The following PHIP variants were observed in gnomAD, a reference collection of about 807,000 sequenced individuals.
PHIP encodes the protein PHIP subunit of CUL4-Ring ligase complex.
A neutral mutation model predicts 236.8 loss-of-function variants in PHIP; 54 were observed. That is an observed-to-expected ratio of 0.23 (90% confidence interval 0.18 to 0.29). The LOEUF (loss-of-function observed/expected upper bound fraction) is 0.29, where lower values mean the gene tolerates loss of function less well. PHIP is among the 10% of genes least tolerant of loss of function. The probability of loss-of-function intolerance (pLI) is 1.00; values close to 1 mark genes in which losing one functional copy is unlikely to be tolerated. For synonymous variants in PHIP, 756 were observed against 718.9 expected, an observed-to-expected ratio of 1.05 and a Z score of -0.83; for missense variants, 1,370 against 2,190.8, an observed-to-expected ratio of 0.63 and a Z score of 7.48.
At chr6:79,030,585 A>C (rs1771618865) in intron 7 of PHIP, among the ~76,000 whole-genome samples, 1 of 152,178 alleles carries the variant, frequency 6.6e-6, no homozygotes, top group Non-Finnish European at 1.5e-5. Flanking sequence ...GACAATTTGT[A>C]AGCAGACAAG....
At position 78,940,828 on chromosome 6, in the gene PHIP, G is replaced by A. The variant is rs2485701; in HGVS notation, c.5331C>T (p.Phe1777=). ...CCTCTTCAGAGTCATCCTCATTATA[G>A]AAAGCTGTCCTTCGACCTTGATTTC... ...RTRNQGRRTA[F]YNEDDSEEEQ... is the part of the protein sequence containing the mutation. The change falls in exon 40 of 40, where the codon TTC becomes TTT. Residue 1777 remains phenylalanine, a synonymous_variant. Coordinates refer to ENST00000275034, the MANE Select transcript of PHIP (RefSeq NM_017934.7). 1.2e-6 allele frequency: 2 copies of A among 1,613,790 alleles called. No homozygotes were observed. Among genetic ancestry groups the A allele is most frequent in the East Asian group, 4.5e-5 (2 of 44,858 alleles).
At chr6:79,002,666 C>A in intron 16 of PHIP, among the ~76,000 whole-genome samples, 1 of 152,020 alleles carries the variant, frequency 6.6e-6, no homozygotes, top group Non-Finnish European at 1.5e-5. Context: ...GGAACATATT[C>A]CCTGTGGATA....
Position 79,055,405 on chromosome 6 carries a change from A to T in PHIP, c.439+5073T>A, listed in dbSNP as rs1773018818. Among the ~76,000 whole-genome samples, 4 of 152,144 alleles carry T rather than the reference A, an allele frequency of 2.6e-5. No individual in the cohort carries two copies. In the South Asian group the frequency reaches 8.3e-4, roughly 32 times the overall value. ...ACATTTATTACTGAAGTATAAGCAA[A>T]TATAGAATAAACTATATCTGAAAAC... On this transcript the variant is annotated intron_variant, in intron 6 of 39. Coordinates refer to ENST00000275034, the MANE Select transcript of PHIP (RefSeq NM_017934.7).
chr6:79,025,005 C>T (rs940933607), intron 9 of PHIP, among the ~76,000 whole-genome samples: 2 of 151,956 alleles, frequency 1.3e-5, no homozygotes, highest in Non-Finnish European at 2.9e-5. Flanking sequence ...TTAATATGGG[C>T]GACCGCACAA....
Position 78,998,345 on chromosome 6 carries a change from T to C in PHIP, c.1926A>G (p.Pro642=). 1 of 1,613,602 alleles carries C rather than the reference T, an allele frequency of 6.2e-7. No individual in the cohort carries two copies. The highest frequency in any genetic ancestry group is 1.1e-5 in the South Asian group (1 of 91,076). The part of the protein sequence containing the change: ...LSQQANQEIS[P]LDSMIQRLQQ... ...GTAGTCTTTGAATCATGCTGTCCAG[T>C]GGGCTGATCTCCTGGTTTGCTTGCT... The change falls in exon 18 of 40, where the codon CCA becomes CCG. Residue 642 remains proline, a synonymous_variant. Transcript: ENST00000275034.
At chr6:78,970,910 T>C in intron 24 of PHIP, 22 bp from the exon 25 acceptor site, 1 of 1,512,824 alleles carries the variant, frequency 6.6e-7, no homozygotes, top group Non-Finnish European at 9.1e-7. Flanking sequence ...AGTCATAATC[T>C]TACAACCTGG....
intron 4 of PHIP, among the ~76,000 whole-genome samples, chr6:79,076,526 G>C (rs1774170491): frequency 6.6e-6 from 1 of 152,102 alleles, no homozygotes; most frequent in South Asian, 2.1e-4. Flanking sequence ...CAATACTGAA[G>C]TGATAAATCC....
At chr6:78,975,873 G>A (rs1244281698) in intron 24 of PHIP, among the ~76,000 whole-genome samples, 1 of 149,484 alleles carries the variant, frequency 6.7e-6, no homozygotes, top group East Asian at 2.0e-4. Flanking sequence ...GGAAATAAAA[G>A]AGGATACAAA....
Position 78,940,841 on chromosome 6 carries a change from C to A in PHIP, c.5318G>T (p.Arg1773Leu), listed in dbSNP as rs775492637. Residue 1773 changes from arginine (R) to leucine (L), a missense_variant, in exon 40 of 40, where the codon CGA becomes CTA. Around this residue, in one of 14 missense-constraint regions of PHIP, gnomAD observed 30 missense variants for 68.2 expected, o/e 0.44. Coordinates refer to ENST00000275034, the MANE Select transcript of PHIP (RefSeq NM_017934.7). The part of the protein sequence containing the change: ...EPHMRTRNQG[R>L]RTAFYNEDDS... ...ATCCTCATTATAGAAAGCTGTCCTT[C>A]GACCTTGATTTCTAGTTCTCATGTG... The A allele has an allele frequency of 6.2e-7, 1 of 1,613,926 alleles. No homozygotes were observed. Among genetic ancestry groups the A allele is most frequent in the Non-Finnish European group, 8.5e-7 (1 of 1,179,924 alleles).
At chr6:79,011,735 T>C (rs1021332620) in intron 15 of PHIP, among the ~76,000 whole-genome samples, 6 of 151,742 alleles carry the variant, frequency 4.0e-5, no homozygotes, top group Admixed American at 2.6e-4. Flanking sequence ...TGAGAATCCA[T>C]TTATAAGATT....
chr6:79,072,476 C>T (rs541888926), intron 4 of PHIP, among the ~76,000 whole-genome samples: 1 of 122,742 alleles, frequency 8.1e-6, no homozygotes, highest in South Asian at 3.4e-4. Context: ...TAGTATCTTC[C>T]GAAGATTTTT....
chr6:79,029,162 CAG>C (rs1287163099), intron 7 of PHIP, among the ~76,000 whole-genome samples: 1 of 152,112 alleles, frequency 6.6e-6, no homozygotes, highest in African/African-American at 2.4e-5. Context: ...ATCAAATTGC[CAG>C]AGAGAGAAAT....
intron 29 of PHIP, among the ~76,000 whole-genome samples, chr6:78,963,666 T>C (rs905979794): frequency 6.6e-6 from 1 of 152,204 alleles, no homozygotes. Context: ...AATTTTTGAA[T>C]GTAGGAACAG....
At chr6:78,998,419 A>C in intron 17 of PHIP, 28 bp from the exon 18 acceptor site, 2 of 1,604,036 alleles carry the variant, frequency 1.2e-6, no homozygotes, top group Non-Finnish European at 1.7e-6. Flanking sequence ...AAATATTACG[A>C]ATATTTTAGC....
chr6:79,071,418 A>G (rs1236750751), intron 4 of PHIP, among the ~76,000 whole-genome samples: 1 of 152,232 alleles, frequency 6.6e-6, no homozygotes, highest in Non-Finnish European at 1.5e-5. Flanking sequence ...TTATTAACTC[A>G]CAATTTCCTC....
At chr6:79,074,846 G>C (rs766290910) in intron 4 of PHIP, among the ~76,000 whole-genome samples, 7 of 152,060 alleles carry the variant, frequency 4.6e-5, no homozygotes, top group Non-Finnish European at 7.4e-5. Flanking sequence ...CAGATGATCA[G>C]TGACTATTTT....
At chr6:79,041,270 T>C (rs1772196140) in intron 7 of PHIP, among the ~76,000 whole-genome samples, 1 of 152,086 alleles carries the variant, frequency 6.6e-6, no homozygotes, top group Non-Finnish European at 1.5e-5. Context: ...TGCTGAACCC[T>C]GGTTCAAAAA....
intron 19 of PHIP, among the ~76,000 whole-genome samples, chr6:78,991,306 AT>A (rs201744715): frequency 0.012 from 1,600 of 137,448 alleles, 3 homozygotes; most frequent in African/African-American, 0.015. Flanking sequence ...GAGAAATTGG[AT>A]TTTTTTTTTT....
At chr6:79,014,058 TA>T (rs1234781336) in intron 15 of PHIP, among the ~76,000 whole-genome samples, 4 of 124,562 alleles carry the variant, frequency 3.2e-5, no homozygotes, top group African/African-American at 8.9e-5. Flanking sequence ...TTTCTAGAAA[TA>T]GAGGGTTTTA....
Sources: gnomAD v4.1 joint callset for allele counts (sites outside exome capture counted in the v4.1 genomes callset) on GRCh38, gnomAD v4.1.1 for gene constraint, gnomAD v4.1.1 regional missense constraint, MANE v1.5 for transcripts, NCBI Gene and HGNC (gene_info 2026-07-23, HGNC 2026-07-21) for gene names.